The following SLC38A9 variants were observed in gnomAD, a reference collection of about 807,000 sequenced individuals.
SLC38A9 encodes the protein solute carrier family 38 member 9, also known as neutral amino acid transporter 9.
In SLC38A9, 48 loss-of-function variants were observed where a neutral mutation model predicts 62.3. The ratio of observed to expected loss-of-function variants is 0.77; its 90% CI spans 0.61 to 0.98. SLC38A9 has a LOEUF of 0.98. Among genes scored for constraint, SLC38A9 ranks in the 50% least tolerant of loss-of-function variants. The probability of loss-of-function intolerance (pLI) is 0.00; values close to 1 mark genes in which losing one functional copy is unlikely to be tolerated. For missense variants in SLC38A9, 541 were observed against 679.8 expected (o/e 0.80, Z 2.27); for synonymous variants, 204 against 227.7 (o/e 0.90, Z 0.94).
chr5:55,659,621 C>G (rs1749106672), intron 8 of SLC38A9, among the ~76,000 whole-genome samples: 1 of 152,052 alleles, frequency 6.6e-6, no homozygotes, highest in African/African-American at 2.4e-5. Flanking sequence ...CTCCTGACCT[C>G]AGGTGATCCA....
At chr5:55,648,177 T>A (rs1194929274) in intron 11 of SLC38A9, among the ~76,000 whole-genome samples, 1 of 152,112 alleles carries the variant, frequency 6.6e-6, no homozygotes, top group Non-Finnish European at 1.5e-5. Context: ...AGGGGGAAGG[T>A]GCAGTGAGTT....
At position 55,649,313 on chromosome 5, in the gene SLC38A9, G is replaced by A; in HGVS notation, c.954C>T (p.Gly318=). Residue 318 remains glycine, a splice_region_variant and synonymous_variant, in exon 11 of 16, where the codon GGC becomes GGT. Transcript: ENST00000396865. Reference sequence around the variant, plus strand: ...AAATCAAATAAAGGACAGACACTGTGCCTGTGAGGAAAAAATTCAGAAACC... The same window carrying A: ...AAATCAAATAAAGGACAGACACTGTACCTGTGAGGAAAAAATTCAGAAACC... ...PSFFSKFNIL[G]TVSVLYLIFL... 1 of 1,544,476 alleles carries A rather than the reference G, an allele frequency of 6.5e-7. No homozygotes were observed. The highest frequency in any genetic ancestry group is 8.7e-7 in the Non-Finnish European group (1 of 1,146,506).
chr5:55,643,775 G>A (rs1353241088), intron 12 of SLC38A9, among the ~76,000 whole-genome samples: 1 of 152,142 alleles, frequency 6.6e-6, no homozygotes, highest in Non-Finnish European at 1.5e-5. Flanking sequence ...AGATCATTAT[G>A]TAAAGTTCCT....
intron 12 of SLC38A9, among the ~76,000 whole-genome samples, chr5:55,641,745 G>A (rs1745475631): frequency 6.6e-6 from 1 of 152,192 alleles, no homozygotes; most frequent in Admixed American, 6.5e-5. Flanking sequence ...ACTGTACAGT[G>A]AAAAACATAC....
Position 55,664,747 on chromosome 5 carries a change from CTA to C in SLC38A9, c.641_642del (p.Ile214SerfsTer12). ...AAATTTGACATAAGCACCCAATAAA[CTA>C]TCATTGCTCCAATGAGAGACACCAA... Reference protein sequence around the residue: ...FSLVSLIGAMIVYWVLMSNFL... With the variant: ...FSLVSLIGAMXVYWVLMSNFL... On this transcript the variant is annotated frameshift_variant, in exon 8 of 16. Coordinates refer to ENST00000396865, the MANE Select transcript of SLC38A9 (RefSeq NM_173514.4). LOFTEE classifies it high-confidence loss of function. The C allele has an allele frequency of 6.3e-7, 1 of 1,579,922 alleles. No homozygotes were observed. The highest frequency in any genetic ancestry group is 8.6e-7 in the Non-Finnish European group (1 of 1,168,542).
intron 8 of SLC38A9, 86 bp downstream of exon 8, chr5:55,664,607 T>C: frequency 1.4e-6 from 1 of 708,542 alleles, no homozygotes; most frequent in Non-Finnish European, 2.1e-6. Context: ...TTATCCCAAG[T>C]CCTAGAATTT....
intron 1 of SLC38A9, among the ~76,000 whole-genome samples, 172 bp from the exon 2 acceptor site, chr5:55,711,671 A>G (rs1758065322): frequency 6.6e-6 from 1 of 152,080 alleles, no homozygotes; most frequent in African/African-American, 2.4e-5. Context: ...CTGTGGTCCT[A>G]GCTCAAGGCC....
chr5:55,652,043 A>T (rs575285050), intron 10 of SLC38A9, among the ~76,000 whole-genome samples: 1 of 149,026 alleles, frequency 6.7e-6, no homozygotes, highest in South Asian at 2.2e-4. Context: ...AAAAAAAAAT[A>T]GAAAAAATCA....
chr5:55,664,797 T>G lies in SLC38A9; in HGVS notation c.593A>C (p.Gln198Pro), dbSNP rs746192596. ...VCRHYFGSFG[Q>P]WSSLLFSLVS... is the part of the protein sequence containing the mutation. ...CAAGGAGAAAAGGAGACTCGACCAC[T>G]GCCCAAAGGAGCCGAAATAATGTCT... Residue 198 changes from glutamine (Q) to proline (P), a missense_variant, in exon 8 of 16, where the codon CAG becomes CCG. Transcript: ENST00000396865. 3 of 1,595,380 alleles carry G rather than the reference T, an allele frequency of 1.9e-6. No homozygotes were observed.
At chr5:55,669,355 T>C in intron 6 of SLC38A9, 34 bp from the exon 7 acceptor site, 1 of 1,532,150 alleles carries the variant, frequency 6.5e-7, no homozygotes, top group Non-Finnish European at 9.0e-7. Context: ...ACAGCATATA[T>C]CATCATGTAA....
chr5:55,707,651 T>A (rs1757458546), intron 2 of SLC38A9, among the ~76,000 whole-genome samples: 1 of 152,204 alleles, frequency 6.6e-6, no homozygotes, highest in African/African-American at 2.4e-5. Flanking sequence ...AAGTCCCAGA[T>A]GCAAGACCAC....
intron 3 of SLC38A9, chr5:55,696,818 G>A (rs867166429): frequency 6.3e-5 from 10 of 158,342 alleles, no homozygotes; most frequent in Admixed American, 4.0e-4. Context: ...GGCGGCTGCC[G>A]GGCGGAGGGT....
chr5:55,689,594 T>C (rs1754440697), intron 3 of SLC38A9, among the ~76,000 whole-genome samples: 1 of 152,212 alleles, frequency 6.6e-6, no homozygotes, highest in Non-Finnish European at 1.5e-5. Flanking sequence ...TGTTACAATA[T>C]TGAGCAGACA....
intron 10 of SLC38A9, among the ~76,000 whole-genome samples, chr5:55,650,858 C>G (rs1747261700): frequency 6.6e-6 from 1 of 152,214 alleles, no homozygotes; most frequent in African/African-American, 2.4e-5. Flanking sequence ...ATGGCATGAT[C>G]TCGGCTCACT....
chr5:55,626,415 T>C lies in SLC38A9; in HGVS notation c.*79A>G. On this transcript the variant is annotated 3_prime_UTR_variant, in exon 16 of 16. Transcript: ENST00000396865. ...TATTTAGAATTACACAACAGCAGCA[T>C]TTACAAGTGAATTTATATAGAACTG... The C allele has an allele frequency of 5.0e-6, 6 of 1,204,120 alleles. No homozygotes were observed. The highest frequency in any genetic ancestry group is 3.2e-5 in the South Asian group (2 of 61,782). 74.6% of individuals were successfully genotyped at this position (1,204,120 alleles called of 1,614,324 possible). A position where few individuals can be genotyped will look rare whatever the true frequency, so the allele number is the denominator to read the frequency against.
chr5:55,673,734 CAG>C lies in SLC38A9; in HGVS notation c.114-1041_114-1040del, dbSNP rs370076966. Among the ~76,000 whole-genome samples, 934 of 135,642 alleles carry C rather than the reference CAG, an allele frequency of 6.9e-3. 11 individuals carry two copies. The highest frequency in any genetic ancestry group is 0.025 in the African/African-American group (902 of 35,796). The allele number at this position is 135,642 out of a possible 152,430, so 89.0% of individuals were successfully genotyped here. On this transcript the variant is annotated intron_variant, in intron 3 of 15. Coordinates refer to ENST00000396865, the MANE Select transcript of SLC38A9 (RefSeq NM_173514.4). ...CTTTTTTTTTTTTTTTTTTTTGAGA[CAG>C]AGTCTCACTCTATCGCCTAGGCTGG...
intron 3 of SLC38A9, among the ~76,000 whole-genome samples, chr5:55,694,934 G>T (rs6450339): frequency 0.037 from 5,607 of 152,150 alleles, 139 homozygotes; most frequent in African/African-American, 0.07. Flanking sequence ...TGTACTTTTA[G>T]TAGAGACCAG....
intron 3 of SLC38A9, among the ~76,000 whole-genome samples, chr5:55,683,443 C>A (rs988270410): frequency 2.0e-5 from 3 of 152,102 alleles, no homozygotes; most frequent in African/African-American, 7.2e-5. Flanking sequence ...TATAGGAATG[C>A]CATATTTTCG....
At chr5:55,656,544 T>C (rs1163305781) in intron 9 of SLC38A9, among the ~76,000 whole-genome samples, 171 bp downstream of exon 9, 1 of 152,192 alleles carries the variant, frequency 6.6e-6, no homozygotes, top group Non-Finnish European at 1.5e-5. Context: ...ACACAGCCTT[T>C]TTGGAGGTTC....
Sources: allele counts gnomAD v4.1 joint callset (sites outside exome capture counted in the v4.1 genomes callset), GRCh38; gene constraint gnomAD v4.1.1; transcripts MANE v1.5; gene names NCBI Gene and HGNC (gene_info 2026-07-23, HGNC 2026-07-21).